Variants in VPS72 observed in about 807,000 individuals in gnomAD.
VPS72 encodes the protein vacuolar protein sorting 72 homolog, also known as vacuolar protein sorting-associated protein 72 homolog.
VPS72 carries 27 observed loss-of-function variants against 38.9 expected under a neutral mutation model. The observed-to-expected ratio is 0.69, with a 90% confidence interval of 0.51 to 0.96. The LOEUF is 0.96. Ranked by LOEUF, VPS72 falls within the 40% of genes least tolerant of loss-of-function variation. VPS72 has a pLI of 0.00. For synonymous variants in VPS72, 173 were observed against 186.3 expected (o/e 0.93, Z 0.58); for missense variants, 360 against 479.5 (o/e 0.75, Z 2.33).
At position 151,178,217 on chromosome 1, in the gene VPS72, C is replaced by T. The variant is rs922001618; in HGVS notation, c.563-72G>A. The T allele has an allele frequency of 8.6e-6, 13 of 1,509,146 alleles. No homozygotes were observed. In the East Asian group the frequency reaches 1.4e-4, roughly 17 times the overall value. 93.5% of individuals were successfully genotyped at this position (1,509,146 alleles called of 1,614,324 possible). A position where few individuals can be genotyped will look rare whatever the true frequency, so the allele number is the denominator to read the frequency against. On this transcript the variant is annotated intron_variant, in intron 4 of 5. Transcript: ENST00000368892. ...TTTCCCATATCCCAGTACTGTCCCA[C>T]GATCTCTCAATTATCTTCCTGGCTA... is the stretch of plus-strand genomic sequence containing the variant.
rs587640495 is a variant in VPS72 at position 151,183,370 on chromosome 1, C to A, written c.562+947G>T. 3.0e-4 allele frequency among the ~76,000 whole-genome samples: 40 copies of A among 133,466 alleles called. No homozygotes were observed. The Admixed American group carries it at 3.3e-3, about 11-fold the overall frequency. The allele number at this position is 133,466 out of a possible 152,430, so 87.6% of individuals were successfully genotyped here. On this transcript the variant is annotated intron_variant, in intron 4 of 5. Transcript: ENST00000368892. ...TCAGGAGGCGGAGCTTGCAGTGAGC[C>A]GAGATCATACCACTGCACTCCAGCC...
chr1:151,189,195 G>A (rs587718332), intron 1 of VPS72, among the ~76,000 whole-genome samples: 6 of 152,288 alleles, frequency 3.9e-5, no homozygotes, highest in East Asian at 1.9e-4. Context: ...CCCCACTGGG[G>A]CATGGAGTAT....
chr1:151,185,824 G>C lies in VPS72; in HGVS notation c.244C>G (p.Arg82Gly), dbSNP rs776748360. Reference protein sequence around the residue: ...DGEAEEPRRKRRVVTKAYKEP... With the variant: ...DGEAEEPRRKGRVVTKAYKEP... ...TTATAGGCCTTGGTGACTACTCGGC[G>C]CTTCCTTCTTGGCTCTTCTGCTTCT... Residue 82 changes from arginine to glycine, a missense_variant, in exon 2 of 6, where the codon CGC becomes GGC. By Grantham distance (125) the Arg-to-Gly change is moderately radical (BLOSUM62 -2). Transcript: ENST00000368892. 6.0e-5 allele frequency: 97 copies of C among 1,613,988 alleles called. No individual in the cohort carries two copies. Among genetic ancestry groups the C allele is most frequent in the Non-Finnish European group, 8.0e-5 (94 of 1,180,030 alleles).
intron 4 of VPS72, among the ~76,000 whole-genome samples, chr1:151,178,381 T>C (rs11204785): frequency 0.61 from 92,797 of 151,996 alleles, 28,839 homozygotes; most frequent in Middle Eastern, 0.68. Context: ...CTGGGCCCTC[T>C]ATAGTACCTC....
chr1:151,179,822 C>T (rs1490041139), intron 4 of VPS72, among the ~76,000 whole-genome samples: 1 of 152,122 alleles, frequency 6.6e-6, no homozygotes, highest in South Asian at 2.1e-4. Context: ...ACCTGGGAGG[C>T]GGAGGTTGCG....
At chr1:151,188,479 T>G (rs1684398485) in intron 1 of VPS72, among the ~76,000 whole-genome samples, 1 of 152,258 alleles carries the variant, frequency 6.6e-6, no homozygotes, top group African/African-American at 2.4e-5. Context: ...ATGACTCTTC[T>G]CAGTCCTCTG....
Position 151,176,767 on chromosome 1 carries a change from C to T in VPS72, c.972G>A (p.Lys324=). ...RAFKIIREAY[K]KYITAHGLPP... The stretch of plus-strand genomic sequence containing the variant: ...GCAGTCCATGGGCAGTAATGTACTT[C>T]TTGTAAGCCTCACGAATGATCTTGA... Residue 324 remains lysine, a synonymous_variant, in exon 6 of 6, where the codon AAG becomes AAA. Transcript: ENST00000368892. 2.5e-6 allele frequency: 4 copies of T among 1,614,198 alleles called. No homozygotes were observed. The highest frequency in any genetic ancestry group is 3.4e-6 in the Non-Finnish European group (4 of 1,180,038).
chr1:151,185,746 AAG>A (rs2101728767), intron 2 of VPS72, 50 bp downstream of exon 2: 1 of 1,611,724 alleles, frequency 6.2e-7, no homozygotes, highest in East Asian at 2.2e-5. Flanking sequence ...GACCTGATGA[AAG>A]AGAGAATAGG....
rs1221153755 is a variant in VPS72, at chr1:151,185,899, C to G, written c.169G>C (p.Val57Leu). 6.2e-7 allele frequency: 1 copy of G among 1,614,046 alleles called. No individual in the cohort carries two copies. Among genetic ancestry groups the G allele is most frequent in the Non-Finnish European group, 8.5e-7 (1 of 1,180,038 alleles). The change falls in exon 2 of 6, where the codon GTG becomes CTG. Residue 57 changes from valine to leucine, a missense_variant. Val to Leu is a conservative substitution (Grantham distance 32). Transcript: ENST00000368892. ...TCATCAATGTCAAAGTCAGAGTCCA[C>G]TTCGTCCTCTGTGTCTGACTGGTCC... ...QGDQSDTEDE[V>L]DSDFDIDEGD...
intron 4 of VPS72, among the ~76,000 whole-genome samples, chr1:151,180,090 G>A (rs971985967): frequency 1.3e-5 from 2 of 151,844 alleles, no homozygotes; most frequent in South Asian, 2.1e-4. Context: ...AGGCCTAGGC[G>A]GGTGGATCAC....
In VPS72 at chr1:151,188,974, C is replaced by T. The variant is rs141426659; in HGVS notation, c.117+1031G>A. Among the ~76,000 whole-genome samples the T allele has an allele frequency of 1.0e-2, 1,518 of 152,154 alleles. 28 individuals carry two copies. The highest frequency in any genetic ancestry group is 0.034 in the African/African-American group (1,418 of 41,512). ...CCTCCTGAGTAGCTGGGACTATAGG[C>T]GCACACCACCACGCTTGGCTAATTT... On this transcript the variant is annotated intron_variant, in intron 1 of 5. Transcript: ENST00000368892.
intron 5 of VPS72, 68 bp downstream of exon 5, chr1:151,177,933 C>G: frequency 1.3e-6 from 2 of 1,553,792 alleles, no homozygotes; most frequent in South Asian, 2.4e-5. Flanking sequence ...GTGAGAAAAG[C>G]AAGCAAAATG....
chr1:151,186,311 C>A (rs188908167), intron 1 of VPS72, among the ~76,000 whole-genome samples: 2 of 151,922 alleles, frequency 1.3e-5, no homozygotes, highest in South Asian at 2.1e-4. Flanking sequence ...GTAATCCCAG[C>A]ACTTTGGGAG....
At chr1:151,187,575 T>G (rs1684378417) in intron 1 of VPS72, among the ~76,000 whole-genome samples, 1 of 152,230 alleles carries the variant, frequency 6.6e-6, no homozygotes, top group African/African-American at 2.4e-5. Flanking sequence ...CCTTCGGCTT[T>G]TATTGAGAGT....
At chr1:151,183,145 C>T (rs587759564) in intron 4 of VPS72, among the ~76,000 whole-genome samples, 2 of 152,026 alleles carry the variant, frequency 1.3e-5, no homozygotes, top group East Asian at 1.9e-4. Flanking sequence ...TGGGAATTGC[C>T]GCGGGGTGGC....
chr1:151,176,791 G>A lies in VPS72; in HGVS notation c.948C>T (p.Phe316=). 1 of 1,614,204 alleles carries A rather than the reference G, an allele frequency of 6.2e-7. No homozygotes were observed. Among genetic ancestry groups the A allele is most frequent in the Non-Finnish European group, 8.5e-7 (1 of 1,180,028 alleles). Residue 316 remains phenylalanine (F), a synonymous_variant, in exon 6 of 6, where the codon TTC becomes TTT. Coordinates refer to ENST00000368892, the MANE Select transcript of VPS72 (RefSeq NM_005997.3). ...TCTTGTAAGCCTCACGAATGATCTT[G>A]AAGGCTCGAGCAGTGGCATAGGGTA... ...TDIPYATARA[F]KIIREAYKKY...
At chr1:151,179,647 C>T (rs1050620120) in intron 4 of VPS72, among the ~76,000 whole-genome samples, 7 of 152,106 alleles carry the variant, frequency 4.6e-5, no homozygotes, top group African/African-American at 1.4e-4. Context: ...AATCCCAGCA[C>T]TTTGGGAGGC....
At chr1:151,182,920 A>G (rs1684271372) in intron 4 of VPS72, among the ~76,000 whole-genome samples, 2 of 152,098 alleles carry the variant, frequency 1.3e-5, no homozygotes, top group South Asian at 4.1e-4. Context: ...AATATTGTCA[A>G]TTACCACCCA....
intron 4 of VPS72, among the ~76,000 whole-genome samples, chr1:151,183,315 T>C (rs1684278283): frequency 6.7e-6 from 1 of 148,532 alleles, no homozygotes; most frequent in African/African-American, 2.5e-5. Flanking sequence ...TCCCAGCTAC[T>C]TGGGAGGCTG....
Sources: allele counts gnomAD v4.1 joint callset (sites outside exome capture counted in the v4.1 genomes callset), GRCh38; gene constraint gnomAD v4.1.1; transcripts MANE v1.5; gene names NCBI Gene and HGNC (gene_info 2026-07-23, HGNC 2026-07-21).